The following PRKAR1B variants were observed in gnomAD, a reference collection of about 807,000 sequenced individuals.
PRKAR1B encodes the protein cAMP-dependent protein kinase type I-beta regulatory subunit.
In PRKAR1B, 22 loss-of-function variants were observed where a neutral mutation model predicts 46.5. The observed-to-expected ratio is 0.47, with a 90% CI of 0.34 to 0.68. PRKAR1B has a LOEUF of 0.68. Among genes scored for constraint, PRKAR1B ranks in the 30% least tolerant of loss-of-function variants. The pLI, the probability that PRKAR1B is intolerant of heterozygous loss-of-function variation, is 0.01. For synonymous variants in PRKAR1B, 259 were observed against 217.7 expected (o/e 1.19, Z -1.67); for missense variants, 445 against 535.6 (o/e 0.83, Z 1.67).
chr7:610,763 C>A (rs1308852802), intron 4 of PRKAR1B, among the ~76,000 whole-genome samples: 1 of 152,224 alleles, frequency 6.6e-6, no homozygotes, highest in Non-Finnish European at 1.5e-5. Flanking sequence ...AAGGCCCTGG[C>A]CTCTTCTGTC....
intron 1 of PRKAR1B, chr7:716,635 T>G (rs1158196490): frequency 6.6e-6 from 1 of 152,218 alleles, no homozygotes; most frequent in East Asian, 1.9e-4. Flanking sequence ...TGTCTTATTC[T>G]TTATTCACTC....
chr7:580,744 C>CAAAAAAAA (rs754143077), intron 8 of PRKAR1B, among the ~76,000 whole-genome samples: 1 of 117,328 alleles, frequency 8.5e-6, no homozygotes. Context: ...TCTTTTTTGA[C>CAAAAAAAA]AAAAAAAAAA....
chr7:658,370 G>T (rs1168886378), intron 4 of PRKAR1B, among the ~76,000 whole-genome samples: 1 of 152,166 alleles, frequency 6.6e-6, no homozygotes, highest in South Asian at 2.1e-4. Flanking sequence ...ATGAGGTGGG[G>T]GCTGCTGTGA....
chr7:639,540 C>T (rs1477579264), intron 4 of PRKAR1B, among the ~76,000 whole-genome samples: 1 of 152,154 alleles, frequency 6.6e-6, no homozygotes, highest in East Asian at 1.9e-4. Flanking sequence ...GATGTAACCG[C>T]AAAAGCATAA....
At chr7:717,783 T>C (rs879567161) in intron 1 of PRKAR1B, among the ~76,000 whole-genome samples, 1 of 152,172 alleles carries the variant, frequency 6.6e-6, no homozygotes, top group Admixed American at 6.5e-5. Context: ...TCTCTACACA[T>C]GGCTCCTGGG....
At chr7:676,888 G>T (rs1301330349) in intron 4 of PRKAR1B, among the ~76,000 whole-genome samples, 6 of 151,786 alleles carry the variant, frequency 4.0e-5, no homozygotes, top group Non-Finnish European at 8.8e-5. Context: ...CCACCTCCCG[G>T]AGGGCAAGGA....
intron 6 of PRKAR1B, among the ~76,000 whole-genome samples, chr7:598,030 C>T (rs150158933): frequency 1.6e-3 from 250 of 152,320 alleles, no homozygotes; most frequent in Non-Finnish European, 1.8e-3. Flanking sequence ...CTGCAGGTGA[C>T]GGACTCCAGG....
At chr7:724,730 C>T (rs541145300) in intron 1 of PRKAR1B, among the ~76,000 whole-genome samples, 22 of 152,348 alleles carry the variant, frequency 1.4e-4, no homozygotes, top group African/African-American at 5.1e-4. Context: ...TAAACACATA[C>T]TAATTTATCC....
At chr7:727,109 C>G in intron 1 of PRKAR1B, 101 bp downstream of exon 1, 1 of 1,105,526 alleles carries the variant, frequency 9.0e-7, no homozygotes, top group South Asian at 4.1e-5. Flanking sequence ...GGCCCCGTGC[C>G]CGCGCGCCGC....
rs758663949 is a variant in PRKAR1B at position 677,318 on chromosome 7, C to A, written c.351G>T (p.Val117=). The part of the protein sequence containing the change: ...EEDAVSYVRK[V]IPKDYKTMTA... ...TCATGGTTTTGTAGTCCTTGGGAAT[C>A]ACCTGAAGCGGAGCCAACACATCAC... Residue 117 remains valine (V), a splice_region_variant and synonymous_variant, in exon 4 of 11, where the codon GTG becomes GTT. Coordinates refer to ENST00000537384, the MANE Select transcript of PRKAR1B (RefSeq NM_001164760.2). 3.1e-6 allele frequency: 5 copies of A among 1,614,232 alleles called. No homozygotes were observed. Among genetic ancestry groups the A allele is most frequent in the Non-Finnish European group, 4.2e-6 (5 of 1,180,018 alleles).
chr7:595,521 G>A (rs1461614190), intron 7 of PRKAR1B, among the ~76,000 whole-genome samples: 3 of 152,114 alleles, frequency 2.0e-5, no homozygotes, highest in African/African-American at 7.2e-5. Flanking sequence ...GGGCGTGGAG[G>A]GTCTCCTCTC....
At chr7:668,701 G>A (rs1786064791) in intron 4 of PRKAR1B, among the ~76,000 whole-genome samples, 1 of 152,208 alleles carries the variant, frequency 6.6e-6, no homozygotes, top group East Asian at 1.9e-4. Context: ...ACCCAGCACT[G>A]GACATAAACA....
chr7:614,825 T>C (rs1253735023), intron 4 of PRKAR1B, among the ~76,000 whole-genome samples: 4 of 152,132 alleles, frequency 2.6e-5, no homozygotes, highest in Admixed American at 2.0e-4. Context: ...GGCAGGAGAA[T>C]TGCTTGAACC....
chr7:604,385 G>A (rs1036012395), intron 6 of PRKAR1B, among the ~76,000 whole-genome samples: 1 of 152,206 alleles, frequency 6.6e-6, no homozygotes, highest in African/African-American at 2.4e-5. Context: ...CAGTACCCGG[G>A]ACCTTTGGCA....
chr7:583,251 T>A (rs1780304741), intron 8 of PRKAR1B, among the ~76,000 whole-genome samples: 1 of 152,120 alleles, frequency 6.6e-6, no homozygotes, highest in Admixed American at 6.5e-5. Context: ...CGCACGCTCC[T>A]TTCTCGACAT....
chr7:596,990 C>A (rs1366253731), intron 6 of PRKAR1B, among the ~76,000 whole-genome samples: 1 of 152,264 alleles, frequency 6.6e-6, no homozygotes, highest in Admixed American at 6.5e-5. Context: ...CCCTTTCAGC[C>A]CGGGTGGGCC....
intron 4 of PRKAR1B, among the ~76,000 whole-genome samples, chr7:634,917 G>T (rs758036292): frequency 6.6e-6 from 1 of 152,102 alleles, no homozygotes; most frequent in Non-Finnish European, 1.5e-5. Flanking sequence ...TGGGATCACA[G>T]GTGTGAGCCA....
chr7:615,297 C>G (rs1025859112), intron 4 of PRKAR1B, among the ~76,000 whole-genome samples: 1 of 151,182 alleles, frequency 6.6e-6, no homozygotes, highest in African/African-American at 2.4e-5. Flanking sequence ...TGGTGATGGG[C>G]GCCTGTAATC....
intron 2 of PRKAR1B, among the ~76,000 whole-genome samples, chr7:702,498 G>A (rs573445737): frequency 3.3e-5 from 5 of 152,186 alleles, no homozygotes; most frequent in African/African-American, 9.6e-5. Context: ...ATTTGCAAAG[G>A]GAAACCAGAC....
Sources: allele counts gnomAD v4.1 joint callset (sites outside exome capture counted in the v4.1 genomes callset), GRCh38; gene constraint gnomAD v4.1.1; transcripts MANE v1.5; gene names NCBI Gene and HGNC (gene_info 2026-07-23, HGNC 2026-07-21).